GATA4: variants seen among roughly 807,000 people sequenced by gnomAD.
GATA4 encodes the protein GATA binding protein 4, also known as transcription factor GATA-4.
Under a neutral mutation model 37.9 loss-of-function variants are expected in GATA4, and 7 were observed. That is an observed-to-expected ratio of 0.18 (90% CI 0.11 to 0.35). The LOEUF (loss-of-function observed/expected upper bound fraction) is 0.35, where lower values mean the gene tolerates loss of function less well. Among genes scored for constraint, GATA4 ranks in the 10% least tolerant of loss-of-function variants. The probability of loss-of-function intolerance (pLI) is 1.00; values close to 1 mark genes in which losing one functional copy is unlikely to be tolerated. For synonymous variants in GATA4, 372 were observed against 292.6 expected, an observed-to-expected ratio of 1.27 and a Z score of -2.77; for missense variants, 647 against 653.0, an observed-to-expected ratio of 0.99 and a Z score of 0.10.
At chr8:11,752,984 G>A (rs888764832) in intron 4 of GATA4, among the ~76,000 whole-genome samples, 3 of 152,018 alleles carry the variant, frequency 2.0e-5, no homozygotes, top group Non-Finnish European at 4.4e-5. Flanking sequence ...TATTATATAG[G>A]TATTAAAAAG....
At chr8:11,750,351 T>C in intron 4 of GATA4, 115 bp downstream of exon 4, 5 of 1,447,134 alleles carry the variant, frequency 3.5e-6, no homozygotes, top group Non-Finnish European at 4.7e-6. Flanking sequence ...CAAAGAGACT[T>C]AGATTTGGAA....
chr8:11,681,073 G>A lies in GATA4; in HGVS notation c.-274+4010G>A, dbSNP rs1447818220. On this transcript the variant is annotated intron_variant, in intron 1 of 6. Coordinates refer to the GATA4 transcript ENST00000528712. The stretch of plus-strand genomic sequence containing the variant: ...TTCCTTCTCTGGCCGGATTTGGAGG[G>A]ACATTGAGGGGCATGGGTGGCGCCC... 3 of 957,210 alleles carry A rather than the reference G, an allele frequency of 3.1e-6. No homozygotes were observed. In the Admixed American group the frequency reaches 1.8e-4, roughly 59 times the overall value. The allele number at this position is 957,210 out of a possible 1,614,324, so 59.3% of individuals were successfully genotyped here. A position where few individuals can be genotyped will look rare whatever the true frequency, so the allele number is the denominator to read the frequency against.
intron 4 of GATA4, among the ~76,000 whole-genome samples, chr8:11,751,650 G>A (rs1376487140): frequency 6.6e-6 from 1 of 152,186 alleles, no homozygotes; most frequent in Non-Finnish European, 1.5e-5. Context: ...CCCCAAATGG[G>A]CAAAAGATAT....
At chr8:11,715,852 AT>A (rs1800413080) in intron 2 of GATA4, among the ~76,000 whole-genome samples, 1 of 152,202 alleles carries the variant, frequency 6.6e-6, no homozygotes, top group Non-Finnish European at 1.5e-5. Context: ...AACTCTGCCC[AT>A]TAAAATACCA....
intron 2 of GATA4, among the ~76,000 whole-genome samples, chr8:11,727,571 G>A (rs754076185): frequency 3.3e-5 from 5 of 152,028 alleles, no homozygotes; most frequent in Admixed American, 2.0e-4. Flanking sequence ...GCCTGGGTGC[G>A]GTGGCTCACA....
chr8:11,746,985 C>G (rs1449366082), intron 2 of GATA4, among the ~76,000 whole-genome samples: 1 of 152,218 alleles, frequency 6.6e-6, no homozygotes, highest in African/African-American at 2.4e-5. Flanking sequence ...ATCCTCTTCT[C>G]TGGCCCACAT....
chr8:11,750,915 C>G (rs1402836629), intron 4 of GATA4, among the ~76,000 whole-genome samples: 6 of 151,208 alleles, frequency 4.0e-5, no homozygotes, highest in African/African-American at 4.9e-5. Flanking sequence ...CCACTGCACT[C>G]CAGCCTGAGT....
chr8:11,758,251 G>T, intron 6 of GATA4, 42 bp from the exon 7 acceptor site: 1 of 1,610,758 alleles, frequency 6.2e-7, no homozygotes, highest in South Asian at 1.1e-5. Context: ...AAGCCCTCAG[G>T]AGCGTCTCCA....
At chr8:11,703,009 C>T (rs924707208), upstream of GATA4, among the ~76,000 whole-genome samples, 3 of 152,168 alleles carry the variant, frequency 2.0e-5, no homozygotes, top group Non-Finnish European at 1.5e-5. Flanking sequence ...CCCGGGTTGC[C>T]TTCACTCAGG....
chr8:11,724,900 C>T (rs528488832), intron 2 of GATA4, among the ~76,000 whole-genome samples: 11 of 152,320 alleles, frequency 7.2e-5, no homozygotes, highest in African/African-American at 2.6e-4. Context: ...CAGTGGCCAT[C>T]GTCTTTCTCT....
chr8:11,720,970 C>T (rs964389743), intron 2 of GATA4, among the ~76,000 whole-genome samples: 3 of 152,028 alleles, frequency 2.0e-5, no homozygotes, highest in Admixed American at 1.3e-4. Flanking sequence ...TGATTTGTTT[C>T]ATCCATCCAC....
intron 1 of GATA4, among the ~76,000 whole-genome samples, chr8:11,678,892 A>C (rs1798864380): frequency 6.6e-6 from 1 of 152,188 alleles, no homozygotes; most frequent in Admixed American, 6.5e-5. Flanking sequence ...CCTTAAAAAC[A>C]ATTTTGTGTG....
At chr8:11,727,709 T>C (rs751524803) in intron 2 of GATA4, among the ~76,000 whole-genome samples, 11 of 152,032 alleles carry the variant, frequency 7.2e-5, no homozygotes, top group Middle Eastern at 3.4e-3. Context: ...CCCAGTATGG[T>C]AGTGTCTGTC....
At chr8:11,684,219 AT>A (rs1401607995) in intron 1 of GATA4, among the ~76,000 whole-genome samples, 28 of 152,322 alleles carry the variant, frequency 1.8e-4, no homozygotes, top group African/African-American at 5.5e-4. Context: ...TATGGTGGAT[AT>A]TTGCTGCCAG....
chr8:11,734,041 C>T (rs1378629302), intron 2 of GATA4, among the ~76,000 whole-genome samples: 1 of 152,202 alleles, frequency 6.6e-6, no homozygotes, highest in Non-Finnish European at 1.5e-5. Flanking sequence ...TTGCAGCTGA[C>T]ATGTAATGTG....
chr8:11,682,498 G>A (rs866566191), intron 1 of GATA4, among the ~76,000 whole-genome samples: 1 of 152,230 alleles, frequency 6.6e-6, no homozygotes, highest in Non-Finnish European at 1.5e-5. Context: ...TCATAGAATA[G>A]TGCTGATAGA....
upstream of GATA4, among the ~76,000 whole-genome samples, chr8:11,701,554 C>A (rs1799678031): frequency 6.6e-6 from 1 of 152,178 alleles, no homozygotes; most frequent in Non-Finnish European, 1.5e-5. Flanking sequence ...CACAGCCAAC[C>A]TGCAGGCTCC....
upstream of GATA4, among the ~76,000 whole-genome samples, chr8:11,687,893 G>A (rs1799190917): frequency 6.6e-6 from 1 of 152,180 alleles, no homozygotes; most frequent in African/African-American, 2.4e-5. Context: ...GTTGCCCAAT[G>A]AGGTTGAGTG....
At chr8:11,680,683 C>T (rs949295567) in intron 1 of GATA4, 1 of 985,242 alleles carries the variant, frequency 1.0e-6, no homozygotes, top group Non-Finnish European at 1.2e-6. Flanking sequence ...CAGAGACCCC[C>T]CCCTTGGGGA....
Sources: gnomAD v4.1 joint callset for allele counts (sites outside exome capture counted in the v4.1 genomes callset) on GRCh38, gnomAD v4.1.1 for gene constraint, MANE v1.5 for transcripts, NCBI Gene and HGNC (gene_info 2026-07-23, HGNC 2026-07-21) for gene names.